Variants in PBX1 observed in about 807,000 individuals in gnomAD.
The protein encoded by PBX1 is PBX homeobox 1.
PBX1 carries 6 observed loss-of-function variants against 53.4 expected under a neutral mutation model. The observed-to-expected ratio is 0.11, with a 90% CI of 0.06 to 0.22. PBX1 has a LOEUF of 0.22. Among genes scored for constraint, PBX1 ranks in the 10% least tolerant of loss-of-function variants. The pLI is 1.00. For synonymous variants in PBX1, 204 were observed against 212.3 expected (o/e 0.96, Z 0.34); for missense variants, 251 against 551.4 (o/e 0.46, Z 5.46).
chr1:164,593,383 G>A (rs1228934582), intron 2 of PBX1, among the ~76,000 whole-genome samples: 1 of 152,122 alleles, frequency 6.6e-6, no homozygotes. Flanking sequence ...GTGGACCCCA[G>A]GTGCCAAGGT....
chr1:164,598,778 A>ATT (rs1655943777), intron 2 of PBX1, among the ~76,000 whole-genome samples: 1 of 152,218 alleles, frequency 6.6e-6, no homozygotes, highest in Non-Finnish European at 1.5e-5. Context: ...TACACCTGAA[A>ATT]TAGCTTGACA....
At chr1:164,643,111 T>G (rs889128189) in intron 2 of PBX1, among the ~76,000 whole-genome samples, 1 of 152,156 alleles carries the variant, frequency 6.6e-6, no homozygotes, top group Non-Finnish European at 1.5e-5. Context: ...TGGTTTAACC[T>G]TGATGAAACA....
chr1:164,694,458 G>C (rs1451830117), intron 2 of PBX1, among the ~76,000 whole-genome samples: 1 of 152,174 alleles, frequency 6.6e-6, no homozygotes, highest in East Asian at 1.9e-4. Context: ...ACTAAAACAA[G>C]TATCCAGTAA....
Position 164,851,212 on chromosome 1 carries a change from AAAAG to A in PBX1, c.*4541_*4544del. On this transcript the variant is annotated 3_prime_UTR_variant, in exon 9 of 9. Transcript: ENST00000420696. ...ATTTGGAATGTTTTTATTAGAGGAA[AAAAG>A]AAAGCCATATTATCTGGAAAAAAAT... is the stretch of plus-strand genomic sequence containing the variant. 1 of 212,958 alleles carries A rather than the reference AAAAG, an allele frequency of 4.7e-6. No homozygotes were observed. Among genetic ancestry groups the A allele is most frequent in the East Asian group, 7.0e-5 (1 of 14,260 alleles). 13.2% of individuals were successfully genotyped at this position (212,958 alleles called of 1,614,324 possible).
chr1:164,756,288 G>A (rs1000649926), intron 2 of PBX1, among the ~76,000 whole-genome samples: 7 of 152,106 alleles, frequency 4.6e-5, no homozygotes, highest in African/African-American at 1.7e-4. Context: ...GTCACAAAAG[G>A]GCTGTCTGAT....
intron 2 of PBX1, among the ~76,000 whole-genome samples, chr1:164,694,413 A>G (rs560135862): frequency 1.3e-5 from 2 of 152,328 alleles, no homozygotes; most frequent in South Asian, 2.1e-4. Context: ...TTCTTTGTCA[A>G]CCGCTGCATC....
At chr1:164,876,005 T>TATATATATATATATATATACACAC (rs1487676214) in intron 2 of PBX1, among the ~76,000 whole-genome samples, 1 of 56,838 alleles carries the variant, frequency 1.8e-5, no homozygotes, top group African/African-American at 3.2e-5. Context: ...TATATATATA[T>TATATATATATATATATATACACAC]ACACACATAC....
chr1:164,715,877 T>C (rs1664055201), intron 2 of PBX1, among the ~76,000 whole-genome samples: 1 of 152,186 alleles, frequency 6.6e-6, no homozygotes, highest in South Asian at 2.1e-4. Flanking sequence ...GGACCATTTG[T>C]ATTCCACGCC....
intron 2 of PBX1, among the ~76,000 whole-genome samples, chr1:164,686,679 A>C (rs1047914542): frequency 1.3e-5 from 2 of 152,216 alleles, no homozygotes. Context: ...GTACATCTTC[A>C]GCCATGGGTA....
At chr1:164,739,554 A>C (rs1665484976) in intron 2 of PBX1, among the ~76,000 whole-genome samples, 1 of 152,242 alleles carries the variant, frequency 6.6e-6, no homozygotes, top group Non-Finnish European at 1.5e-5. Flanking sequence ...TTACTTCAAA[A>C]GAAATGAGCA....
intron 2 of PBX1, among the ~76,000 whole-genome samples, chr1:164,629,926 T>C (rs1425673822): frequency 4.6e-5 from 7 of 152,192 alleles, no homozygotes; most frequent in Non-Finnish European, 7.3e-5. Context: ...ATTTATATAT[T>C]TTTTATGGGC....
chr1:164,734,398 C>T (rs1258135076), intron 2 of PBX1, among the ~76,000 whole-genome samples: 4 of 152,156 alleles, frequency 2.6e-5, no homozygotes, highest in Non-Finnish European at 5.9e-5. Flanking sequence ...TATTTCTTGT[C>T]TGAATAATTA....
In PBX1 at chr1:164,752,629, A is replaced by G. The variant is rs141762587; in HGVS notation, c.266-39865A>G. Among the ~76,000 whole-genome samples the G allele has an allele frequency of 8.6e-3, 1,312 of 152,314 alleles. 14 individuals carry two copies. The Middle Eastern group carries it at 0.1, about 12-fold the overall frequency. ...AGGGGAATAAAGTGATCTTCTTCTC[A>G]TAAACACTATGAGGGCTTTATTAAT... On this transcript the variant is annotated intron_variant, in intron 2 of 8. Coordinates refer to ENST00000420696, the MANE Select transcript of PBX1 (RefSeq NM_002585.4).
At chr1:164,868,337 G>A (rs920278000) in intron 2 of PBX1, among the ~76,000 whole-genome samples, 1 of 152,188 alleles carries the variant, frequency 6.6e-6, no homozygotes, top group Non-Finnish European at 1.5e-5. Context: ...GGCAGCTAGT[G>A]AGCCCAGAGG....
At chr1:164,571,566 C>T (rs1043918304) in intron 2 of PBX1, among the ~76,000 whole-genome samples, 2 of 149,070 alleles carry the variant, frequency 1.3e-5, no homozygotes. Flanking sequence ...ATGGATATAC[C>T]ACATTTTGCT....
At chr1:164,728,535 C>T (rs563942498) in intron 2 of PBX1, among the ~76,000 whole-genome samples, 108 of 152,156 alleles carry the variant, frequency 7.1e-4, no homozygotes, top group African/African-American at 2.5e-3. Flanking sequence ...ATAACATTTC[C>T]CCACAGGCAG....
chr1:164,667,915 G>T (rs1321254210), intron 2 of PBX1, among the ~76,000 whole-genome samples: 2 of 152,148 alleles, frequency 1.3e-5, no homozygotes, highest in Non-Finnish European at 2.9e-5. Context: ...GGTGTTGCAG[G>T]CAGTGAGCTA....
intron 2 of PBX1, among the ~76,000 whole-genome samples, chr1:164,711,563 A>C (rs899015205): frequency 2.6e-5 from 4 of 152,154 alleles, no homozygotes; most frequent in African/African-American, 9.7e-5. Flanking sequence ...GCGCCCGGCT[A>C]GTTTTCTCTT....
Position 164,846,658 on chromosome 1 carries a change from C to T in PBX1, c.1275C>T (p.His425=). 6.2e-7 allele frequency: 1 copy of T among 1,614,124 alleles called. No individual in the cohort carries two copies. The highest frequency in any genetic ancestry group is 1.1e-5 in the South Asian group (1 of 91,076). ...TSPTEGPGSV[H]SDTSN ...CTACAGAAGGCCCTGGCAGTGTTCA[C>T]TCTGATACCTCCAACTGATCTCCCA... Residue 425 remains histidine, a synonymous_variant, in exon 9 of 9, where the codon CAC becomes CAT. Transcript: ENST00000420696.
Sources: gnomAD v4.1 joint callset for allele counts (sites outside exome capture counted in the v4.1 genomes callset) on GRCh38, gnomAD v4.1.1 for gene constraint, MANE v1.5 for transcripts, NCBI Gene and HGNC (gene_info 2026-07-23, HGNC 2026-07-21) for gene names.